The following DDX10 variants were observed in gnomAD, a reference collection of about 807,000 sequenced individuals.
The protein encoded by DDX10 is probable ATP-dependent RNA helicase DDX10.
In DDX10, 74 loss-of-function variants were observed where a neutral mutation model predicts 104.3. That is an observed-to-expected ratio of 0.71 (90% confidence interval 0.59 to 0.86). The LOEUF is 0.86. Ranked by LOEUF, DDX10 falls within the 40% of genes least tolerant of loss-of-function variation. The pLI is 0.00. For synonymous variants in DDX10, 351 were observed against 353.4 expected (o/e 0.99, Z 0.08); for missense variants, 952 against 1,040.0 (o/e 0.92, Z 1.16).
At chr11:108,779,522 A>G (rs1036545234) in intron 13 of DDX10, among the ~76,000 whole-genome samples, 1 of 147,980 alleles carries the variant, frequency 6.8e-6, no homozygotes, top group Non-Finnish European at 1.5e-5. Flanking sequence ...AACATCACAC[A>G]CTGGGGCCTG....
intron 16 of DDX10, among the ~76,000 whole-genome samples, chr11:108,856,435 A>G (rs565861362): frequency 2.6e-5 from 4 of 152,226 alleles, no homozygotes; most frequent in African/African-American, 9.6e-5. Context: ...TGTCTCAAAC[A>G]AAACAAACAA....
intron 9 of DDX10, among the ~76,000 whole-genome samples, chr11:108,704,089 A>C (rs1226675067): frequency 6.6e-6 from 1 of 152,110 alleles, no homozygotes; most frequent in African/African-American, 2.4e-5. Flanking sequence ...TTGTGACTTT[A>C]GTCCTGACTC....
chr11:108,780,522 A>C (rs1168958840), intron 13 of DDX10, among the ~76,000 whole-genome samples: 1 of 152,146 alleles, frequency 6.6e-6, no homozygotes, highest in East Asian at 1.9e-4. Flanking sequence ...TCATTTGAAT[A>C]ATCCAGAGTT....
intron 13 of DDX10, among the ~76,000 whole-genome samples, chr11:108,754,170 C>G (rs946230825): frequency 6.6e-6 from 1 of 151,958 alleles, no homozygotes; most frequent in South Asian, 2.1e-4. Flanking sequence ...GGAAGTGAAT[C>G]GTTTAGCTGA....
intron 13 of DDX10, among the ~76,000 whole-genome samples, chr11:108,820,568 A>T (rs983326019): frequency 1.3e-5 from 2 of 152,188 alleles, no homozygotes; most frequent in Admixed American, 6.5e-5. Flanking sequence ...ACTACTAGGG[A>T]ACCAGACATT....
intron 10 of DDX10, 87 bp downstream of exon 10, chr11:108,706,924 C>T (rs893075972): frequency 9.2e-7 from 1 of 1,083,596 alleles, no homozygotes; most frequent in Non-Finnish European, 1.4e-6. Flanking sequence ...TTTGCCCCTT[C>T]CCCTAATTTA....
At chr11:108,715,063 T>C (rs2094289574) in intron 10 of DDX10, among the ~76,000 whole-genome samples, 1 of 129,574 alleles carries the variant, frequency 7.7e-6, no homozygotes, top group Admixed American at 8.2e-5. Context: ...TTTAAAATTT[T>C]TTTTTTCTTT....
At chr11:108,915,949 TAAAA>T (rs34651677) in intron 16 of DDX10, among the ~76,000 whole-genome samples, 4 of 127,714 alleles carry the variant, frequency 3.1e-5, no homozygotes, top group Admixed American at 2.4e-4. Flanking sequence ...TGCAAAAATG[TAAAA>T]AAAAAAAAAA....
intron 2 of DDX10, among the ~76,000 whole-genome samples, chr11:108,675,088 T>TTGTGTGTGTG (rs142204234): frequency 5.4e-5 from 8 of 146,882 alleles, no homozygotes; most frequent in African/African-American, 1.8e-4. Context: ...CATATTCCAT[T>TTGTGTGTGTG]TGTGTGTGTG....
chr11:108,902,705 A>G (rs1863533722), intron 16 of DDX10, among the ~76,000 whole-genome samples: 1 of 151,984 alleles, frequency 6.6e-6, no homozygotes, highest in South Asian at 2.1e-4. Flanking sequence ...TCCTGAATGT[A>G]TTGAGTCTTT....
intron 16 of DDX10, among the ~76,000 whole-genome samples, chr11:108,865,641 A>G (rs972726676): frequency 6.6e-6 from 1 of 152,096 alleles, no homozygotes; most frequent in African/African-American, 2.4e-5. Flanking sequence ...CTCGAATACC[A>G]AGTTGAAGAT....
intron 16 of DDX10, among the ~76,000 whole-genome samples, chr11:108,871,685 T>G (rs1317194880): frequency 6.6e-6 from 1 of 152,186 alleles, no homozygotes; most frequent in African/African-American, 2.4e-5. Flanking sequence ...CCCAGCACTT[T>G]GGCAGGCCGA....
intron 13 of DDX10, among the ~76,000 whole-genome samples, chr11:108,770,460 T>C (rs1282570541): frequency 6.6e-6 from 1 of 151,374 alleles, no homozygotes; most frequent in African/African-American, 2.4e-5. Flanking sequence ...TCTAACCACT[T>C]TTTTTTTGTA....
At chr11:108,919,668 A>G (rs1015673225) in intron 17 of DDX10, 1 of 152,234 alleles carries the variant, frequency 6.6e-6, no homozygotes, top group Non-Finnish European at 1.5e-5. Context: ...TTGCATATCT[A>G]TCTAATATAC....
chr11:108,723,607 T>C, intron 13 of DDX10, 145 bp downstream of exon 13: 2 of 773,250 alleles, frequency 2.6e-6, no homozygotes, highest in South Asian at 4.6e-5. Context: ...TCCCCCATAC[T>C]TAAACACAGA....
At chr11:108,896,695 A>G (rs1591115355) in intron 16 of DDX10, among the ~76,000 whole-genome samples, 1 of 152,170 alleles carries the variant, frequency 6.6e-6, no homozygotes, top group African/African-American at 2.4e-5. Flanking sequence ...CCAGTTTGGT[A>G]TTATACATCT....
chr11:108,678,472 A>G lies in DDX10; in HGVS notation c.658+37A>G, dbSNP rs76968131. Reference sequence around the variant, plus strand: ...CAATTTCTAATTTAAAAAAAAAAAAAGCTCAGACTTAGGAGAGAGCCCTTA... The same window carrying G: ...CAATTTCTAATTTAAAAAAAAAAAAGGCTCAGACTTAGGAGAGAGCCCTTA... On this transcript the variant is annotated intron_variant, in intron 5 of 17. Coordinates refer to ENST00000322536, the MANE Select transcript of DDX10 (RefSeq NM_004398.4). 5.3e-6 allele frequency: 8 copies of G among 1,520,250 alleles called. No individual in the cohort carries two copies. The Middle Eastern group carries it at 7.1e-4, about 135-fold the overall frequency. The allele number at this position is 1,520,250 out of a possible 1,614,324, so 94.2% of individuals were successfully genotyped here. A position where few individuals can be genotyped will look rare whatever the true frequency, so the allele number is the denominator to read the frequency against.
At chr11:108,756,776 G>A (rs2094344915) in intron 13 of DDX10, among the ~76,000 whole-genome samples, 1 of 151,974 alleles carries the variant, frequency 6.6e-6, no homozygotes, top group South Asian at 2.1e-4. Context: ...TTCCTTGATG[G>A]TTCATGATGC....
At chr11:108,928,567 G>A (rs1012154660) in intron 17 of DDX10, among the ~76,000 whole-genome samples, 7 of 152,192 alleles carry the variant, frequency 4.6e-5, no homozygotes, top group Non-Finnish European at 8.8e-5. Context: ...ACTTGGCTTT[G>A]TGGGGAAAAC....
Sources: gnomAD v4.1 joint callset for allele counts (sites outside exome capture counted in the v4.1 genomes callset) on GRCh38, gnomAD v4.1.1 for gene constraint, MANE v1.5 for transcripts, NCBI Gene and HGNC (gene_info 2026-07-23, HGNC 2026-07-21) for gene names.